The following CTNNA3 variants were observed in gnomAD, a reference collection of about 807,000 sequenced individuals.
CTNNA3 encodes catenin alpha-3.
Under a neutral mutation model 95.7 loss-of-function variants are expected in CTNNA3, and 76 were observed. The observed-to-expected ratio is 0.79, with a 90% CI of 0.66 to 0.96. CTNNA3 has a LOEUF of 0.96. Among genes scored for constraint, CTNNA3 ranks in the 40% least tolerant of loss-of-function variants. The pLI, the probability that CTNNA3 is intolerant of heterozygous loss-of-function variation, is 0.00. For missense variants in CTNNA3, 1,191 were observed against 1,089.8 expected, an observed-to-expected ratio of 1.09 and a Z score of -1.31; for synonymous variants, 431 against 374.4, an observed-to-expected ratio of 1.15 and a Z score of -1.74.
intron 7 of CTNNA3, among the ~76,000 whole-genome samples, chr10:67,069,883 A>G (rs1856339840): frequency 6.6e-6 from 1 of 152,162 alleles, no homozygotes; most frequent in South Asian, 2.1e-4. Flanking sequence ...ACACTTTTGT[A>G]CATCTTTTGG....
chr10:67,317,586 C>G (rs548064203), intron 5 of CTNNA3, among the ~76,000 whole-genome samples: 2 of 152,124 alleles, frequency 1.3e-5, no homozygotes, highest in East Asian at 3.9e-4. Context: ...TCACCATGCC[C>G]GGCTAATTTT....
At chr10:67,712,939 T>G (rs974663230) in intron 1 of CTNNA3, among the ~76,000 whole-genome samples, 2 of 152,174 alleles carry the variant, frequency 1.3e-5, no homozygotes, top group Non-Finnish European at 2.9e-5. Context: ...TAAATTGATC[T>G]AATTAAACTA....
intron 9 of CTNNA3, among the ~76,000 whole-genome samples, chr10:66,698,925 C>T (rs549268983): frequency 1.1e-3 from 169 of 152,084 alleles, no homozygotes; most frequent in Non-Finnish European, 1.2e-3. Flanking sequence ...ATTATTCTAC[C>T]GGATCATTTA....
At chr10:66,560,624 A>G (rs933166310) in intron 10 of CTNNA3, among the ~76,000 whole-genome samples, 1 of 152,056 alleles carries the variant, frequency 6.6e-6, no homozygotes, top group African/African-American at 2.4e-5. Context: ...ATATTAGTTT[A>G]TGAATTCATT....
intron 5 of CTNNA3, among the ~76,000 whole-genome samples, chr10:67,273,906 G>T (rs1308123734): frequency 6.6e-6 from 1 of 152,174 alleles, no homozygotes; most frequent in Admixed American, 6.5e-5. Flanking sequence ...GTTGTCTAGT[G>T]TGGGAGGCAC....
chr10:67,381,442 C>T (rs1641046188), intron 5 of CTNNA3, among the ~76,000 whole-genome samples: 1 of 152,036 alleles, frequency 6.6e-6, no homozygotes, highest in Non-Finnish European at 1.5e-5. Flanking sequence ...GCTCCACAGC[C>T]TTCTGAAAAT....
At chr10:67,401,008 A>G (rs189437710) in intron 5 of CTNNA3, among the ~76,000 whole-genome samples, 1 of 152,338 alleles carries the variant, frequency 6.6e-6, no homozygotes, top group East Asian at 1.9e-4. Flanking sequence ...ATTTTCATAT[A>G]GGCTATTCCT....
chr10:66,667,087 C>T (rs1589096522), intron 9 of CTNNA3, among the ~76,000 whole-genome samples: 1 of 152,126 alleles, frequency 6.6e-6, no homozygotes, highest in Non-Finnish European at 1.5e-5. Flanking sequence ...TTAAAACTAT[C>T]TATCTAACCT....
intron 10 of CTNNA3, among the ~76,000 whole-genome samples, chr10:66,549,414 A>C (rs187618863): frequency 1.3e-5 from 2 of 152,194 alleles, no homozygotes; most frequent in East Asian, 3.9e-4. Context: ...TATTGATCTG[A>C]ATAGTTAGAA....
intron 2 of CTNNA3, among the ~76,000 whole-genome samples, chr10:67,624,745 A>C (rs1843970032): frequency 6.6e-6 from 1 of 152,194 alleles, no homozygotes; most frequent in Non-Finnish European, 1.5e-5. Flanking sequence ...AATGATAAGA[A>C]ATTCTTACCA....
intron 11 of CTNNA3, among the ~76,000 whole-genome samples, chr10:66,400,456 C>T (rs2093011667): frequency 6.6e-6 from 1 of 151,930 alleles, no homozygotes; most frequent in Admixed American, 6.6e-5. Context: ...CAAATGAAAT[C>T]AATATACCCA....
intron 7 of CTNNA3, among the ~76,000 whole-genome samples, chr10:66,979,667 A>T (rs1850295451): frequency 6.6e-6 from 1 of 152,274 alleles, no homozygotes; most frequent in Admixed American, 6.5e-5. Flanking sequence ...GTTTGTGGGG[A>T]TGAATAGGAT....
chr10:67,703,168 A>T (rs1564836639), intron 1 of CTNNA3, among the ~76,000 whole-genome samples: 1 of 152,180 alleles, frequency 6.6e-6, no homozygotes. Flanking sequence ...CAGGACCAGA[A>T]GGATTCACAG....
intron 7 of CTNNA3, among the ~76,000 whole-genome samples, chr10:67,013,564 T>C (rs1852471959): frequency 6.6e-6 from 1 of 152,168 alleles, no homozygotes; most frequent in Non-Finnish European, 1.5e-5. Context: ...GCAAACACAG[T>C]ACTCCTAAAA....
intron 11 of CTNNA3, among the ~76,000 whole-genome samples, chr10:66,516,198 G>A (rs1395842636): frequency 2.6e-5 from 4 of 152,114 alleles, no homozygotes; most frequent in South Asian, 2.1e-4. Context: ...AATTCTGAGA[G>A]AAGATGCCAT....
intron 10 of CTNNA3, among the ~76,000 whole-genome samples, chr10:66,569,830 G>A (rs1842815284): frequency 6.6e-6 from 1 of 152,100 alleles, no homozygotes. Flanking sequence ...AGTGGGTGGT[G>A]TAAAAGTCAT....
intron 14 of CTNNA3, among the ~76,000 whole-genome samples, chr10:66,094,265 C>A (rs1021924560): frequency 2.0e-5 from 3 of 152,026 alleles, no homozygotes; most frequent in Non-Finnish European, 2.9e-5. Flanking sequence ...GAGGAGGTAG[C>A]ATTGAAGAGA....
In CTNNA3 at chr10:67,266,898, T is replaced by C. The variant is rs576468837; in HGVS notation, c.580-47028A>G. 6.6e-5 allele frequency among the ~76,000 whole-genome samples: 10 copies of C among 152,336 alleles called. No homozygotes were observed. The South Asian group carries it at 1.0e-3, about 16-fold the overall frequency. The stretch of plus-strand genomic sequence containing the variant: ...AATCATTCCACACTGTATACATACA[T>C]CCAAAACATCAAATTCTATGCTATA... On this transcript the variant is annotated intron_variant, in intron 5 of 17. Transcript: ENST00000433211.
chr10:66,205,083 T>C (rs188437089), intron 13 of CTNNA3, among the ~76,000 whole-genome samples: 1 of 152,238 alleles, frequency 6.6e-6, no homozygotes, highest in East Asian at 1.9e-4. Context: ...TCTACAATGT[T>C]CAAAAAAATG....
Sources: gnomAD v4.1 joint callset for allele counts (sites outside exome capture counted in the v4.1 genomes callset) on GRCh38, gnomAD v4.1.1 for gene constraint, MANE v1.5 for transcripts, NCBI Gene and HGNC (gene_info 2026-07-23, HGNC 2026-07-21) for gene names.